Variants in SORCS1 observed in about 807,000 individuals in gnomAD.
SORCS1 encodes the protein VPS10 domain-containing receptor SorCS1.
Under a neutral mutation model 146.1 loss-of-function variants are expected in SORCS1, and 60 were observed. The ratio of observed to expected loss-of-function variants is 0.41; its 90% confidence interval spans 0.33 to 0.51. The LOEUF is 0.51. Ranked by LOEUF, SORCS1 falls within the 20% of genes least tolerant of loss-of-function variation. The pLI is 0.21. For missense variants in SORCS1, 1,352 were observed against 1,487.6 expected, an observed-to-expected ratio of 0.91 and a Z score of 1.50; for synonymous variants, 637 against 584.0, an observed-to-expected ratio of 1.09 and a Z score of -1.31.
At chr10:107,070,247 A>G (rs1962298300) in intron 1 of SORCS1, among the ~76,000 whole-genome samples, 1 of 148,998 alleles carries the variant, frequency 6.7e-6, no homozygotes, top group Non-Finnish European at 1.5e-5. Context: ...TAATGCTTCT[A>G]TGACCATTCG....
chr10:106,664,425 G>A (rs898902199), intron 17 of SORCS1, among the ~76,000 whole-genome samples: 43 of 152,090 alleles, frequency 2.8e-4, no homozygotes, highest in African/African-American at 9.2e-4. Flanking sequence ...GGTGGATCAC[G>A]AGGTCAGGAG....
chr10:107,125,250 C>A (rs1164980020), intron 1 of SORCS1, among the ~76,000 whole-genome samples: 4 of 151,990 alleles, frequency 2.6e-5, no homozygotes, highest in Non-Finnish European at 5.9e-5. Context: ...CATGCCTGGC[C>A]CCGCTCAGCT....
intron 2 of SORCS1, among the ~76,000 whole-genome samples, chr10:106,857,671 G>A (rs1433267815): frequency 1.3e-5 from 2 of 152,162 alleles, no homozygotes; most frequent in African/African-American, 2.4e-5. Flanking sequence ...AAATGTTTGC[G>A]AGTGAGTCGA....
chr10:107,014,267 A>AAAAAG (rs1564926907), intron 1 of SORCS1, among the ~76,000 whole-genome samples: 19 of 140,854 alleles, frequency 1.3e-4, no homozygotes, highest in African/African-American at 6.0e-4. Context: ...AAAAAAAAAA[A>AAAAAG]AAAAAGAAAA....
intron 2 of SORCS1, among the ~76,000 whole-genome samples, chr10:106,839,484 G>A (rs140022861): frequency 1.1e-4 from 16 of 152,318 alleles, no homozygotes; most frequent in African/African-American, 3.6e-4. Context: ...CAAGCTAGCA[G>A]AATTTGGTTC....
chr10:107,132,937 C>G (rs1026696370), intron 1 of SORCS1, among the ~76,000 whole-genome samples: 1 of 152,210 alleles, frequency 6.6e-6, no homozygotes, highest in East Asian at 1.9e-4. Flanking sequence ...AAACAACAAT[C>G]ACACTTTTGG....
intron 1 of SORCS1, among the ~76,000 whole-genome samples, chr10:107,103,697 T>A (rs1347662617): frequency 6.6e-6 from 1 of 152,224 alleles, no homozygotes; most frequent in African/African-American, 2.4e-5. Context: ...CCTGGACTTT[T>A]GTTTGTATTA....
chr10:106,770,019 G>C (rs1351122255), intron 4 of SORCS1, among the ~76,000 whole-genome samples: 1 of 152,166 alleles, frequency 6.6e-6, no homozygotes, highest in East Asian at 1.9e-4. Flanking sequence ...CTGGAACCCA[G>C]GAAGCAGAGG....
At chr10:106,814,232 T>G (rs1195317283) in intron 3 of SORCS1, among the ~76,000 whole-genome samples, 2 of 152,254 alleles carry the variant, frequency 1.3e-5, no homozygotes, top group African/African-American at 2.4e-5. Flanking sequence ...ATAAGGCAAC[T>G]TAAAAATATG....
At chr10:106,861,159 A>G (rs1235977225) in intron 2 of SORCS1, among the ~76,000 whole-genome samples, 3 of 152,198 alleles carry the variant, frequency 2.0e-5, no homozygotes, top group Non-Finnish European at 4.4e-5. Flanking sequence ...GCACTTTGGG[A>G]GGCCGAGGCA....
intron 1 of SORCS1, among the ~76,000 whole-genome samples, chr10:107,029,511 G>C (rs1958555274): frequency 6.6e-6 from 1 of 152,162 alleles, no homozygotes; most frequent in Admixed American, 6.5e-5. Context: ...TTCAGTAAAT[G>C]TTAGCTCCCT....
chr10:106,724,518 A>C (rs1487720653), intron 6 of SORCS1, among the ~76,000 whole-genome samples: 4 of 151,798 alleles, frequency 2.6e-5, no homozygotes, highest in Non-Finnish European at 5.9e-5. Flanking sequence ...AAAAAAACAA[A>C]ATAAAATAAA....
intron 2 of SORCS1, among the ~76,000 whole-genome samples, chr10:106,950,976 A>G (rs2138900933): frequency 6.6e-6 from 1 of 152,322 alleles, no homozygotes; most frequent in East Asian, 1.9e-4. Flanking sequence ...GGACTCAAAG[A>G]TGAGTTACGA....
chr10:106,730,863 T>C (rs1856544765), intron 5 of SORCS1, among the ~76,000 whole-genome samples: 1 of 152,190 alleles, frequency 6.6e-6, no homozygotes, highest in African/African-American at 2.4e-5. Context: ...TGGGAACATC[T>C]GCACTTTTTG....
chr10:107,176,536 T>C, the SORCS1 span, among the ~76,000 whole-genome samples: 2 of 151,846 alleles, frequency 1.3e-5, no homozygotes, highest in African/African-American at 4.8e-5. Context: ...GGGGCCCCAG[T>C]ATGTTGCTGC....
In SORCS1 at chr10:106,944,871, C is replaced by CTTTTTTTTTTTTT. The variant is rs1564838013; in HGVS notation, c.626+11641_626+11642insAAAAAAAAAAAAA. On this transcript the variant is annotated intron_variant, in intron 2 of 25. Coordinates refer to ENST00000263054, the MANE Select transcript of SORCS1 (RefSeq NM_052918.5). ...ATGGTAGAAAGAAGCAAGAAAGAGC[C>CTTTTTTTTTTTTT]TTCTTTTTTTTTTTTTTTTTTTTTT... Among the ~76,000 whole-genome samples the CTTTTTTTTTTTTT allele has an allele frequency of 2.1e-3, 128 of 60,998 alleles. 18 individuals are homozygous for CTTTTTTTTTTTTT. Among genetic ancestry groups the CTTTTTTTTTTTTT allele is most frequent in the East Asian group, 5.1e-3 (13 of 2,536 alleles). 40.0% of individuals were successfully genotyped at this position (60,998 alleles called of 152,430 possible).
At chr10:106,807,717 C>G (rs867102781) in intron 3 of SORCS1, among the ~76,000 whole-genome samples, 1 of 152,270 alleles carries the variant, frequency 6.6e-6, no homozygotes, top group Non-Finnish European at 1.5e-5. Flanking sequence ...ATGCAGTCTT[C>G]TGCATCTCTG....
rs1175955524 is a variant in SORCS1 at position 106,872,162 on chromosome 10, T to C, written c.627-42489A>G. On this transcript the variant is annotated intron_variant, in intron 2 of 25. Coordinates refer to ENST00000263054, the MANE Select transcript of SORCS1 (RefSeq NM_052918.5). ...AAAGGAATCAGTTATGGAAAATAGATAGTTAAAATGGAGCATACTACTTTA... is the reference window on the plus strand; with the variant it reads ...AAAGGAATCAGTTATGGAAAATAGACAGTTAAAATGGAGCATACTACTTTA... Among the ~76,000 whole-genome samples the C allele has an allele frequency of 3.3e-5, 5 of 152,298 alleles. No individual in the cohort carries two copies. In the East Asian group the frequency reaches 9.6e-4, roughly 29 times the overall value.
chr10:106,697,730 T>C (rs1283951531), intron 9 of SORCS1, among the ~76,000 whole-genome samples: 1 of 152,178 alleles, frequency 6.6e-6, no homozygotes, highest in Non-Finnish European at 1.5e-5. Flanking sequence ...AGGTTTCATG[T>C]TTATCTCCAT....
Sources: gnomAD v4.1 joint callset for allele counts (sites outside exome capture counted in the v4.1 genomes callset) on GRCh38, gnomAD v4.1.1 for gene constraint, MANE v1.5 for transcripts, NCBI Gene and HGNC (gene_info 2026-07-23, HGNC 2026-07-21) for gene names.